Variants in MYH3 observed in about 807,000 individuals in gnomAD.
MYH3 encodes the protein myosin-3.
MYH3 carries 130 observed loss-of-function variants against 238.0 expected under a neutral mutation model. The ratio of observed to expected loss-of-function variants is 0.55; its 90% CI spans 0.47 to 0.63. The LOEUF is 0.63. MYH3 is among the 30% of genes least tolerant of loss of function. The pLI is 0.00. For synonymous variants in MYH3, 880 were observed against 924.1 expected (o/e 0.95, Z 0.86); for missense variants, 1,853 against 2,374.9 (o/e 0.78, Z 4.57).
At chr17:10,631,511 C>T (rs749989491) in intron 36 of MYH3, 100 bp downstream of exon 36, 3 of 1,564,646 alleles carry the variant, frequency 1.9e-6, no homozygotes, top group Non-Finnish European at 2.6e-6. Flanking sequence ...AGAATGTGCA[C>T]CAGGTGTGGC....
At position 10,644,718 on chromosome 17, in the gene MYH3, G is replaced by A. The variant is rs1365939440; in HGVS notation, c.1142-16C>T. 6.3e-7 allele frequency: 1 copy of A among 1,575,270 alleles called. No individual in the cohort carries two copies. The highest frequency in any genetic ancestry group is 8.7e-7 in the Non-Finnish European group (1 of 1,145,246). On this transcript the variant is annotated splice_polypyrimidine_tract_variant and intron_variant, in intron 12 of 40. Coordinates refer to ENST00000583535, the MANE Select transcript of MYH3 (RefSeq NM_002470.4). Reference sequence around the variant, plus strand: ...TTGTCAGCCACTGGCAAGAAAACAAGGACAGTGCTTAGAAAAGTAGAAGAG... The same window carrying A: ...TTGTCAGCCACTGGCAAGAAAACAAAGACAGTGCTTAGAAAAGTAGAAGAG...
At chr17:10,675,455 CTACTT>C in the MYH3 span, 1 of 152,214 alleles carries the variant, frequency 6.6e-6, no homozygotes, top group African/African-American at 2.4e-5. Flanking sequence ...TTTTTCCCCT[CTACTT>C]TTCTTTTGGA....
intron 7 of MYH3, 44 bp downstream of exon 7, chr17:10,649,533 A>G (rs772745102): frequency 2.0e-6 from 3 of 1,479,930 alleles, no homozygotes; most frequent in South Asian, 1.1e-5. Context: ...TTAAGACCAC[A>G]GTTAAAAGTG....
chr17:10,650,842 G>A (rs1032583912), intron 5 of MYH3, among the ~76,000 whole-genome samples: 1 of 152,000 alleles, frequency 6.6e-6, no homozygotes, highest in African/African-American at 2.4e-5. Context: ...GGTCAATATC[G>A]AAAGCCTCCT....
intron 12 of MYH3, among the ~76,000 whole-genome samples, chr17:10,645,451 CT>C (rs2074311638): frequency 6.6e-6 from 1 of 151,976 alleles, no homozygotes; most frequent in Non-Finnish European, 1.5e-5. Context: ...CCTCAGCCTC[CT>C]GAGTAGCTGG....
At chr17:10,633,473 G>T in intron 33 of MYH3, 118 bp downstream of exon 33, 2 of 1,241,364 alleles carry the variant, frequency 1.6e-6, no homozygotes, top group Non-Finnish European at 2.3e-6. Context: ...AAAGCAGCAG[G>T]CATTAGGACT....
chr17:10,631,283 C>A (rs552835658), intron 36 of MYH3, among the ~76,000 whole-genome samples: 1 of 152,296 alleles, frequency 6.6e-6, no homozygotes, highest in East Asian at 1.9e-4. Flanking sequence ...GAGAAAGCCT[C>A]GGAGACCCAG....
At chr17:10,650,699 T>A (rs1484940306) in intron 5 of MYH3, among the ~76,000 whole-genome samples, 2 of 152,258 alleles carry the variant, frequency 1.3e-5, no homozygotes, top group Non-Finnish European at 2.9e-5. Context: ...CATACTTATT[T>A]TTTTGTGGAG....
At position 10,654,706 on chromosome 17, in the gene MYH3, C is replaced by T. The variant is rs187938412; in HGVS notation, c.204+155G>A. 2.6e-5 allele frequency among the ~76,000 whole-genome samples: 4 copies of T among 152,344 alleles called. No individual in the cohort carries two copies. The highest frequency in any genetic ancestry group is 5.9e-5 in the Non-Finnish European group (4 of 68,036). On this transcript the variant is annotated intron_variant, in intron 3 of 40. Coordinates refer to ENST00000583535, the MANE Select transcript of MYH3 (RefSeq NM_002470.4). The surrounding 1 kb of genome is among the most constrained non-coding windows in gnomAD (Gnocchi z 4.5). ...GAGGCCAGTATTCACTCTGCTTTCTCTGAGGATACCTGGGAAGCCCCAGGC... is the reference window on the plus strand; with the variant it reads ...GAGGCCAGTATTCACTCTGCTTTCTTTGAGGATACCTGGGAAGCCCCAGGC...
In MYH3 at chr17:10,638,959, C is replaced by A. The variant is rs753191024; in HGVS notation, c.3253G>T (p.Asp1085Tyr). Residue 1085 changes from aspartate to tyrosine, a missense_variant, in exon 26 of 41, where the codon GAT becomes TAT. Asp to Tyr is a radical substitution (Grantham distance 160). This residue lies in a region of MYH3 where 1,044 missense variants were observed against 1,192.6 expected (regional missense o/e 0.88). Transcript: ENST00000583535. The stretch of plus-strand genomic sequence containing the variant: ...CTTTGAAGTTGACAATATTCAAAAT[C>A]TTTCCTGTGAAGAGAAATGTAGAAT... ...QQLDERLKKKDFEYCQLQSKV... is the reference protein window; with the variant it reads ...QQLDERLKKKYFEYCQLQSKV... 5 of 1,614,172 alleles carry A rather than the reference C, an allele frequency of 3.1e-6. No homozygotes were observed. The highest frequency in any genetic ancestry group is 8.5e-7 in the Non-Finnish European group (1 of 1,180,006).
chr17:10,671,957 G>C, the MYH3 span, among the ~76,000 whole-genome samples: 3 of 152,128 alleles, frequency 2.0e-5, no homozygotes, highest in Non-Finnish European at 2.9e-5. Context: ...ATATATCGGT[G>C]ATAGTAACTC....
chr17:10,630,544 A>C (rs532676360), intron 36 of MYH3, 86 bp from the exon 37 acceptor site: 2 of 1,585,638 alleles, frequency 1.3e-6, no homozygotes, highest in Non-Finnish European at 1.7e-6. Flanking sequence ...GGAGGACCAG[A>C]GACCATGCTA....
Position 10,638,213 on chromosome 17 carries a change from C to T in MYH3, c.3559G>A (p.Glu1187Lys), listed in dbSNP as rs557068462. 15 of 1,613,922 alleles carry T rather than the reference C, an allele frequency of 9.3e-6. No individual in the cohort carries two copies. The highest frequency in any genetic ancestry group is 2.7e-5 in the African/African-American group (2 of 74,970). The change falls in exon 27 of 41, where the codon GAA (glutamate) becomes AAA (lysine). Residue 1187 changes from glutamate to lysine, a missense_variant. Coordinates refer to ENST00000583535, the MANE Select transcript of MYH3 (RefSeq NM_002470.4). ...RDLEEATLQH[E>K]AMVAALRKKH... Reference sequence around the variant, plus strand: ...TTCCTCAGCGCGGCCACCATGGCTTCGTGCTGCAGTGTGGCCTCCTCCAGG... The same window carrying T: ...TTCCTCAGCGCGGCCACCATGGCTTTGTGCTGCAGTGTGGCCTCCTCCAGG...
At chr17:10,630,593 T>C in intron 36 of MYH3, 135 bp from the exon 37 acceptor site, 1 of 1,340,890 alleles carries the variant, frequency 7.5e-7, no homozygotes, top group Non-Finnish European at 1.1e-6. Flanking sequence ...CTCACGTCTG[T>C]AATCCCAGCA....
chr17:10,660,034 T>C (rs994089910), upstream of MYH3, among the ~76,000 whole-genome samples: 2 of 152,232 alleles, frequency 1.3e-5, no homozygotes, highest in Non-Finnish European at 2.9e-5. Flanking sequence ...AGCATGGAGC[T>C]GAGAGTCCTA....
chr17:10,652,661 G>A (rs572004781), intron 3 of MYH3, 98 bp from the exon 4 acceptor site: 560 of 1,348,840 alleles, frequency 4.2e-4, no homozygotes, highest in South Asian at 2.1e-3. Context: ...TTGCTTTGTC[G>A]CCCAGGCTGG....
chr17:10,634,742 G>A (rs1456320983), intron 31 of MYH3, 98 bp downstream of exon 31: 1 of 1,459,942 alleles, frequency 6.8e-7, no homozygotes, highest in Non-Finnish European at 9.6e-7. Context: ...CACTGCTGGT[G>A]AGGGCAGAGT....
intron 36 of MYH3, among the ~76,000 whole-genome samples, chr17:10,630,723 T>C (rs2074147855): frequency 6.6e-6 from 1 of 152,116 alleles, no homozygotes; most frequent in Admixed American, 6.5e-5. Context: ...TGGTGGCAGA[T>C]GCCCGTATTC....
In MYH3 at chr17:10,634,281, C is replaced by CCCAAG. The variant is rs1355201272; in HGVS notation, c.4357-100_4357-99insCTTGG. 13 of 1,370,236 alleles carry CCCAAG rather than the reference C, an allele frequency of 9.5e-6. No individual in the cohort carries two copies. In the East Asian group the frequency reaches 3.0e-4, roughly 31 times the overall value. The allele number at this position is 1,370,236 out of a possible 1,614,324, so 84.9% of individuals were successfully genotyped here. On this transcript the variant is annotated intron_variant, in intron 31 of 40. Coordinates refer to ENST00000583535, the MANE Select transcript of MYH3 (RefSeq NM_002470.4). ...AATTAAATGCAGAGTTAGGGCTACA[C>CCCAAG]TTGGCATCACTTGCCTGGCTCCTTG...
Sources: gnomAD v4.1 joint callset for allele counts (sites outside exome capture counted in the v4.1 genomes callset) on GRCh38, gnomAD v4.1.1 for gene constraint, gnomAD v4.1.1 regional missense constraint, Gnocchi (gnomAD v3.1) non-coding constraint, MANE v1.5 for transcripts, NCBI Gene and HGNC (gene_info 2026-07-23, HGNC 2026-07-21) for gene names.